RBFOX1: variants seen among roughly 807,000 people sequenced by gnomAD.
The protein encoded by RBFOX1 is RNA binding protein fox-1 homolog 1.
RBFOX1 carries 8 observed loss-of-function variants against 57.7 expected under a neutral mutation model. The observed-to-expected ratio is 0.14, with a 90% CI of 0.08 to 0.25. The LOEUF is 0.25. Ranked by LOEUF, RBFOX1 falls within the 10% of genes least tolerant of loss-of-function variation. The probability of loss-of-function intolerance (pLI) is 1.00; values close to 1 mark genes in which losing one functional copy is unlikely to be tolerated. For synonymous variants in RBFOX1, 326 were observed against 222.4 expected (o/e 1.47, Z -4.15); for missense variants, 611 against 548.5 (o/e 1.11, Z -1.14).
chr16:7,596,449 G>T (rs1383070009), intron 8 of RBFOX1, among the ~76,000 whole-genome samples: 1 of 151,708 alleles, frequency 6.6e-6, no homozygotes, highest in African/African-American at 2.4e-5. Context: ...CCCCTTCGAC[G>T]ATAACGCTTA....
At chr16:7,015,767 T>G (rs149557738) in intron 3 of RBFOX1, among the ~76,000 whole-genome samples, 3 of 152,188 alleles carry the variant, frequency 2.0e-5, no homozygotes, top group African/African-American at 4.8e-5. Flanking sequence ...TTCTTTTTTT[T>G]TCTTAAAGAT....
intron 5 of RBFOX1, among the ~76,000 whole-genome samples, chr16:7,526,909 A>C (rs889520639): frequency 2.0e-5 from 3 of 152,286 alleles, no homozygotes; most frequent in East Asian, 3.9e-4. Context: ...TAAGGGCTGG[A>C]AGCCCAGAAG....
chr16:6,663,421 A>G (rs566663669), intron 3 of RBFOX1, among the ~76,000 whole-genome samples: 7 of 152,274 alleles, frequency 4.6e-5, no homozygotes, highest in Non-Finnish European at 8.8e-5. Context: ...ATTTGTTTCT[A>G]TTAGTGCCAG....
intron 1 of RBFOX1, among the ~76,000 whole-genome samples, chr16:6,198,130 G>A (rs1009064692): frequency 1.3e-5 from 2 of 152,144 alleles, no homozygotes; most frequent in Non-Finnish European, 2.9e-5. Flanking sequence ...TTGGGGGAAG[G>A]ATGAGGGGGG....
chr16:6,246,661 C>G (rs2097570687), intron 1 of RBFOX1, among the ~76,000 whole-genome samples: 1 of 152,148 alleles, frequency 6.6e-6, no homozygotes, highest in Non-Finnish European at 1.5e-5. Context: ...TGTTAGATGT[C>G]ACAGTCATCT....
rs557011282 is a variant in RBFOX1 at position 6,877,309 on chromosome 16, T to C, written c.-15-174748T>C. ...GGAGGTATGCTTCTATCTAGTTTTATGTGTGCATCTGGCAGAGCTAATCTT... is the reference window on the plus strand; with the variant it reads ...GGAGGTATGCTTCTATCTAGTTTTACGTGTGCATCTGGCAGAGCTAATCTT... On this transcript the variant is annotated intron_variant, in intron 3 of 15. Transcript: ENST00000550418. Among the ~76,000 whole-genome samples, 15 of 152,348 alleles carry C rather than the reference T, an allele frequency of 9.8e-5. No homozygotes were observed. In the South Asian group the frequency reaches 3.1e-3, roughly 32 times the overall value.
chr16:7,173,409 A>G (rs949530015), intron 4 of RBFOX1, among the ~76,000 whole-genome samples: 3 of 152,190 alleles, frequency 2.0e-5, no homozygotes, highest in African/African-American at 7.2e-5. Context: ...AACAGGGTAT[A>G]CGTATATATC....
At chr16:7,174,883 C>T (rs1273035811) in intron 4 of RBFOX1, among the ~76,000 whole-genome samples, 3 of 152,152 alleles carry the variant, frequency 2.0e-5, no homozygotes, top group Admixed American at 2.0e-4. Context: ...CCAGGTTGTG[C>T]CACATCCTTG....
In RBFOX1 at chr16:5,648,039, T is replaced by G. The variant is rs143801853; in HGVS notation, c.318+49078T>G. Reference sequence around the variant, plus strand: ...TGTCCCTGATTAATTTTTGTATTTTTGGTAGAGACAGGGTTTCACTGTATT... The same window carrying G: ...TGTCCCTGATTAATTTTTGTATTTTGGGTAGAGACAGGGTTTCACTGTATT... On this transcript the variant is annotated intron_variant, in intron 3 of 19. Transcript: ENST00000641259. Among the ~76,000 whole-genome samples the G allele has an allele frequency of 1.2e-3, 180 of 152,302 alleles. 3 individuals carry two copies. In the East Asian group the frequency reaches 0.031, roughly 26 times the overall value.
intron 4 of RBFOX1, among the ~76,000 whole-genome samples, chr16:7,488,931 A>G (rs1012757618): frequency 5.9e-5 from 9 of 152,206 alleles, no homozygotes; most frequent in Admixed American, 1.3e-4. Context: ...ATCAGTCTGT[A>G]TACTTCACAT....
At chr16:6,523,514 A>G (rs2096537211) in intron 2 of RBFOX1, among the ~76,000 whole-genome samples, 1 of 152,134 alleles carries the variant, frequency 6.6e-6, no homozygotes, top group African/African-American at 2.4e-5. Flanking sequence ...CTTGATCACT[A>G]TCACCCTATG....
chr16:6,964,575 T>C (rs1351450742), intron 3 of RBFOX1, among the ~76,000 whole-genome samples: 1 of 152,190 alleles, frequency 6.6e-6, no homozygotes, highest in East Asian at 1.9e-4. Context: ...GGGGAATCTC[T>C]TTATACTTGC....
At chr16:5,480,382 A>AT (rs2069488539) in intron 2 of RBFOX1, among the ~76,000 whole-genome samples, 1 of 151,840 alleles carries the variant, frequency 6.6e-6, no homozygotes, top group African/African-American at 2.4e-5. Flanking sequence ...GATTATTTAA[A>AT]AAAAAAAACC....
chr16:6,998,167 A>C (rs2092430593), intron 3 of RBFOX1, among the ~76,000 whole-genome samples: 1 of 152,184 alleles, frequency 6.6e-6, no homozygotes, highest in Non-Finnish European at 1.5e-5. Flanking sequence ...TGTAAAATGA[A>C]AGCAGCCAAA....
chr16:6,854,732 C>A (rs1007477002), intron 3 of RBFOX1, among the ~76,000 whole-genome samples: 1 of 151,380 alleles, frequency 6.6e-6, no homozygotes, highest in Non-Finnish European at 1.5e-5. Flanking sequence ...GTAGCTGGAA[C>A]TACAGGCGCC....
intron 2 of RBFOX1, among the ~76,000 whole-genome samples, chr16:6,448,238 C>T (rs1468903016): frequency 7.3e-6 from 1 of 137,562 alleles, no homozygotes; most frequent in Non-Finnish European, 1.5e-5. Flanking sequence ...TGGCTCACTG[C>T]AATCTCCCCC....
At chr16:5,689,801 A>G (rs1253745737) in intron 3 of RBFOX1, among the ~76,000 whole-genome samples, 1 of 53,338 alleles carries the variant, frequency 1.9e-5, no homozygotes, top group Non-Finnish European at 9.2e-5. Flanking sequence ...TAAGAAATAC[A>G]GACCAAAAAA....
chr16:5,616,808 CCCT>C (rs1481299092), intron 3 of RBFOX1, among the ~76,000 whole-genome samples: 1 of 149,268 alleles, frequency 6.7e-6, no homozygotes, highest in Non-Finnish European at 1.5e-5. Context: ...CCTCTCTTCC[CCCT>C]CCTCCATCCT....
At chr16:5,832,593 A>T (rs1259298615) in intron 3 of RBFOX1, among the ~76,000 whole-genome samples, 1 of 152,242 alleles carries the variant, frequency 6.6e-6, no homozygotes, top group Non-Finnish European at 1.5e-5. Context: ...TTCTGATTAT[A>T]CTGCAATTAC....
Sources: allele counts gnomAD v4.1 joint callset (sites outside exome capture counted in the v4.1 genomes callset), GRCh38; gene constraint gnomAD v4.1.1; transcripts MANE v1.5; gene names NCBI Gene and HGNC (gene_info 2026-07-23, HGNC 2026-07-21).